IQSEC1: variants seen among roughly 807,000 people sequenced by gnomAD.
IQSEC1 encodes IQ motif and Sec7 domain ArfGEF 1.
Under a neutral mutation model 91.0 loss-of-function variants are expected in IQSEC1, and 31 were observed. That is an observed-to-expected ratio of 0.34 (90% CI 0.26 to 0.46). The LOEUF is 0.46. Among genes scored for constraint, IQSEC1 ranks in the 20% least tolerant of loss-of-function variants. The pLI is 1.00. For missense variants in IQSEC1, 1,388 were observed against 1,575.6 expected, an observed-to-expected ratio of 0.88 and a Z score of 2.02; for synonymous variants, 699 against 662.6, an observed-to-expected ratio of 1.05 and a Z score of -0.84.
intron 1 of IQSEC1, among the ~76,000 whole-genome samples, chr3:13,272,395 TAC>T (rs757515527): frequency 2.0e-5 from 3 of 152,216 alleles, no homozygotes; most frequent in Non-Finnish European, 4.4e-5. Flanking sequence ...CGTACAATAT[TAC>T]ACTTTCAAGA....
intron 1 of IQSEC1, among the ~76,000 whole-genome samples, chr3:13,222,874 G>A (rs1694688072): frequency 6.6e-6 from 1 of 152,220 alleles, no homozygotes; most frequent in Non-Finnish European, 1.5e-5. Flanking sequence ...CCTGGGGACT[G>A]GCTGGTCCCC....
At chr3:13,017,131 C>T (rs13326015) in intron 1 of IQSEC1, among the ~76,000 whole-genome samples, 20,053 of 152,242 alleles carry the variant, frequency 0.13, 1,646 homozygotes, top group African/African-American at 0.23. Context: ...CATCCACTGA[C>T]GGCCACTGGG....
chr3:12,911,071 G>A (rs1695509489), intron 10 of IQSEC1, among the ~76,000 whole-genome samples: 1 of 152,202 alleles, frequency 6.6e-6, no homozygotes. Context: ...CTTCCAGCAG[G>A]GCATCAAAAT....
chr3:13,194,350 G>C (rs901133588), intron 1 of IQSEC1, among the ~76,000 whole-genome samples: 1 of 152,078 alleles, frequency 6.6e-6, no homozygotes, highest in South Asian at 2.1e-4. Flanking sequence ...TTGACCTACA[G>C]CAGAAGCCAG....
At chr3:12,904,356 G>A (rs1170275200) in intron 12 of IQSEC1, among the ~76,000 whole-genome samples, 1 of 152,244 alleles carries the variant, frequency 6.6e-6, no homozygotes, top group Non-Finnish European at 1.5e-5. Flanking sequence ...CCACTACTGG[G>A]AAAGGGCCAC....
At chr3:13,095,369 A>T (rs191353955) in intron 2 of IQSEC1, among the ~76,000 whole-genome samples, 56 of 152,238 alleles carry the variant, frequency 3.7e-4, no homozygotes, top group African/African-American at 1.3e-3. Flanking sequence ...GGTGGGGCCC[A>T]GCCATCTGGG....
At chr3:12,984,971 C>A (rs887218351) in intron 1 of IQSEC1, among the ~76,000 whole-genome samples, 4 of 151,398 alleles carry the variant, frequency 2.6e-5, no homozygotes, top group Admixed American at 2.6e-4. Context: ...ATTACAGGCG[C>A]CCACCACCAC....
chr3:13,280,064 T>G (rs184782042), intron 1 of IQSEC1, among the ~76,000 whole-genome samples: 1 of 152,068 alleles, frequency 6.6e-6, no homozygotes, highest in East Asian at 1.9e-4. Flanking sequence ...TTTGCTTAAT[T>G]CTCAAAAAAG....
Position 13,080,807 on chromosome 3 carries a change from G to C in IQSEC1, c.303-33285C>G, listed in dbSNP as rs540649894. Among the ~76,000 whole-genome samples the C allele has an allele frequency of 3.3e-5, 5 of 152,226 alleles. No individual in the cohort carries two copies. The East Asian group carries it at 9.6e-4, about 29-fold the overall frequency. On this transcript the variant is annotated intron_variant, in intron 2 of 15. Transcript: ENST00000648114. ...TTCCAGGGGATCTGCCGTCTGTCCTGTCCCGCCACAGTGACTCAGGCCCTG... is the reference window on the plus strand; with the variant it reads ...TTCCAGGGGATCTGCCGTCTGTCCTCTCCCGCCACAGTGACTCAGGCCCTG...
chr3:13,276,755 A>G (rs778053963), intron 1 of IQSEC1, among the ~76,000 whole-genome samples: 1 of 152,200 alleles, frequency 6.6e-6, no homozygotes, highest in African/African-American at 2.4e-5. Context: ...AACGTTTGCC[A>G]TAACTGGCCC....
intron 1 of IQSEC1, among the ~76,000 whole-genome samples, chr3:13,183,817 A>G (rs1445219424): frequency 6.6e-6 from 1 of 152,184 alleles, no homozygotes; most frequent in African/African-American, 2.4e-5. Context: ...CCCATGCTCT[A>G]CACAGACTGA....
In IQSEC1 at chr3:13,007,874, C is replaced by G. The variant is rs920792043; in HGVS notation, c.23+65118G>C. ...CCGTACCCCGCCCCAGAGTCCAGAG[C>G]CCCCAGCACGTCCAGCTTACCAATG... On this transcript the variant is annotated intron_variant, in intron 1 of 13. Transcript: ENST00000613206. Among the ~76,000 whole-genome samples, 5 of 152,154 alleles carry G rather than the reference C, an allele frequency of 3.3e-5. No homozygotes were observed. The East Asian group carries it at 9.7e-4, about 29-fold the overall frequency.
chr3:13,068,781 G>A (rs1397308969), intron 1 of IQSEC1, among the ~76,000 whole-genome samples: 1 of 152,192 alleles, frequency 6.6e-6, no homozygotes, highest in Non-Finnish European at 1.5e-5. Flanking sequence ...TAATCATTTA[G>A]ATTTCTGTTC....
chr3:13,127,327 T>C (rs1461126516), intron 2 of IQSEC1, among the ~76,000 whole-genome samples: 1 of 152,046 alleles, frequency 6.6e-6, no homozygotes, highest in Non-Finnish European at 1.5e-5. Context: ...GGCAGGAGAA[T>C]CGCTTGAACC....
chr3:12,899,260 G>C lies in IQSEC1; in HGVS notation c.*1723C>G. The C allele has an allele frequency of 2.9e-6, 3 of 1,049,490 alleles. No individual in the cohort carries two copies. The highest frequency in any genetic ancestry group is 2.6e-5 in the East Asian group (1 of 37,862). 65.0% of individuals were successfully genotyped at this position (1,049,490 alleles called of 1,614,324 possible). A position where few individuals can be genotyped will look rare whatever the true frequency, so the allele number is the denominator to read the frequency against. On this transcript the variant is annotated 3_prime_UTR_variant, in exon 14 of 14. Transcript: ENST00000613206. Reference sequence around the variant, plus strand: ...GGGCTCCCCTCTCCTCCTGCCGTCCGGCCACGGCTCACCACGCTGTCCACT... The same window carrying C: ...GGGCTCCCCTCTCCTCCTGCCGTCCCGCCACGGCTCACCACGCTGTCCACT...
At chr3:13,126,147 T>G (rs1013913937) in intron 2 of IQSEC1, among the ~76,000 whole-genome samples, 1 of 150,454 alleles carries the variant, frequency 6.6e-6, no homozygotes, top group Admixed American at 6.7e-5. Flanking sequence ...TTTGCACATG[T>G]GAAACACACT....
chr3:13,186,537 C>T (rs1204567282), intron 1 of IQSEC1, among the ~76,000 whole-genome samples: 1 of 152,172 alleles, frequency 6.6e-6, no homozygotes, highest in Non-Finnish European at 1.5e-5. Flanking sequence ...AAAAAAGAAT[C>T]CTTAGCTTGG....
intron 2 of IQSEC1, among the ~76,000 whole-genome samples, chr3:13,134,982 C>A (rs183708023): frequency 6.6e-5 from 10 of 152,310 alleles, no homozygotes; most frequent in Admixed American, 2.0e-4. Context: ...ACTGGGGAAT[C>A]TGACCATTCC....
At chr3:13,249,167 C>CT (rs60976247) in intron 1 of IQSEC1, among the ~76,000 whole-genome samples, 8,063 of 106,628 alleles carry the variant, frequency 0.076, 467 homozygotes, top group African/African-American at 0.12. Context: ...GAAGGAATTT[C>CT]TTTTTTTTTT....
Sources: gnomAD v4.1 joint callset for allele counts (sites outside exome capture counted in the v4.1 genomes callset) on GRCh38, gnomAD v4.1.1 for gene constraint, MANE v1.5 for transcripts, NCBI Gene and HGNC (gene_info 2026-07-23, HGNC 2026-07-21) for gene names.